Variants in ZNF280C observed in about 807,000 individuals in gnomAD.
The protein encoded by ZNF280C is zinc finger protein 280C.
In ZNF280C, 14 loss-of-function variants were observed where a neutral mutation model predicts 53.6. That is an observed-to-expected ratio of 0.26 (90% CI 0.17 to 0.41). ZNF280C has a LOEUF of 0.41. Ranked by LOEUF, ZNF280C falls within the 10% of genes least tolerant of loss-of-function variation. The pLI is 1.00. For synonymous variants in ZNF280C, 203 were observed against 181.1 expected (o/e 1.12, Z -0.97); for missense variants, 416 against 547.1 (o/e 0.76, Z 2.39).
chrX:130,247,289 C>T (rs1346260984), intron 2 of ZNF280C, among the ~76,000 whole-genome samples: 4 of 110,849 alleles, frequency 3.6e-5, no homozygotes, highest in Admixed American at 9.6e-5. Flanking sequence ...TTGTATTTTT[C>T]GTAGGGATGG....
At chrX:130,213,703 T>G (rs1297757518) in intron 15 of ZNF280C, among the ~76,000 whole-genome samples, 1 of 111,252 alleles carries the variant, frequency 9.0e-6, no homozygotes, top group Non-Finnish European at 1.9e-5. Context: ...AAATAAGTAT[T>G]GTCTACAATG....
intron 1 of ZNF280C, among the ~76,000 whole-genome samples, chrX:130,261,242 C>CA (rs957673911): frequency 4.5e-5 from 5 of 111,368 alleles, no homozygotes; most frequent in African/African-American, 9.8e-5. Flanking sequence ...TAAACGTTAT[C>CA]AAAAAAAATG....
rs1417319731 is a variant in ZNF280C at position 130,203,443 on chromosome X, T to C, written c.*1534A>G. 1.8e-5 allele frequency: 2 copies of C among 111,572 alleles called. No individual in the cohort carries two copies. Among genetic ancestry groups the C allele is most frequent in the African/African-American group, 6.5e-5 (2 of 30,653 alleles). 9.2% of individuals were successfully genotyped at this position (111,572 alleles called of 1,213,427 possible). A position where few individuals can be genotyped will look rare whatever the true frequency, so the allele number is the denominator to read the frequency against. On this transcript the variant is annotated 3_prime_UTR_variant, in exon 19 of 19. Coordinates refer to ENST00000370978, the MANE Select transcript of ZNF280C (RefSeq NM_017666.5). ...AGGACGAGGCGGACTGATCACGACG[T>C]CAGGAGATCGAGACCATCCTGGCTA...
rs146021861 is a variant in ZNF280C, at chrX:130,265,788, C to T, written c.-17+2974G>A. 2.7e-3 allele frequency among the ~76,000 whole-genome samples: 303 copies of T among 112,500 alleles called. 5 individuals carry two copies. The highest frequency in any genetic ancestry group is 0.026 in the East Asian group (92 of 3,607). ...ATTAAATAAAGCAAGTGAAATATTC[C>T]TCAACAGTACTTTGCACTATTTTTC... On this transcript the variant is annotated intron_variant, in intron 1 of 18. Coordinates refer to ENST00000370978, the MANE Select transcript of ZNF280C (RefSeq NM_017666.5).
At chrX:130,256,102 A>C (rs1290804237) in intron 2 of ZNF280C, among the ~76,000 whole-genome samples, 3 of 111,399 alleles carry the variant, frequency 2.7e-5, no homozygotes, top group Non-Finnish European at 5.7e-5. Flanking sequence ...ACTGCACTCC[A>C]ATCTAGGCAA....
Position 130,204,955 on chromosome X carries a change from A to G in ZNF280C, c.*22T>C. The G allele has an allele frequency of 9.3e-7, 1 of 1,076,590 alleles. No homozygotes were observed. The highest frequency in any genetic ancestry group is 2.9e-5 in the South Asian group (1 of 34,556). 88.7% of individuals were successfully genotyped at this position (1,076,590 alleles called of 1,213,427 possible). Reference sequence around the variant, plus strand: ...TCCAACTTGTCTTGCACCAGGTTGCATGAACTCCATGGAGCAGGAATCTAT... The same window carrying G: ...TCCAACTTGTCTTGCACCAGGTTGCGTGAACTCCATGGAGCAGGAATCTAT... On this transcript the variant is annotated 3_prime_UTR_variant, in exon 19 of 19. Coordinates refer to ENST00000370978, the MANE Select transcript of ZNF280C (RefSeq NM_017666.5).
At chrX:130,266,667 G>A (rs1436229344) in intron 1 of ZNF280C, among the ~76,000 whole-genome samples, 2 of 110,552 alleles carry the variant, frequency 1.8e-5, no homozygotes, top group Non-Finnish European at 3.8e-5. Flanking sequence ...CTCCTTAAAA[G>A]AAAACTACTT....
intron 2 of ZNF280C, 68 bp downstream of exon 2, chrX:130,260,350 CT>C: frequency 1.1e-6 from 1 of 890,642 alleles, no homozygotes; most frequent in South Asian, 3.3e-5. Context: ...TGTCTCTAAT[CT>C]TTTCTTTTGA....
intron 13 of ZNF280C, among the ~76,000 whole-genome samples, chrX:130,218,785 T>A (rs766709259): frequency 2.7e-5 from 3 of 111,902 alleles, no homozygotes; most frequent in Non-Finnish European, 5.6e-5. Context: ...CTTGTCTATA[T>A]CACTGGATCA....
intron 8 of ZNF280C, among the ~76,000 whole-genome samples, chrX:130,233,834 A>G (rs970605693): frequency 9.1e-6 from 1 of 110,290 alleles, no homozygotes; most frequent in African/African-American, 3.3e-5. Context: ...TAGGTCAATC[A>G]TACCTCAATA....
intron 1 of ZNF280C, among the ~76,000 whole-genome samples, chrX:130,268,557 C>T (rs1177144162): frequency 8.9e-6 from 1 of 112,097 alleles, no homozygotes; most frequent in Non-Finnish European, 1.9e-5. Context: ...AACCCTCCCC[C>T]TTCAGGGCCC....
intron 2 of ZNF280C, among the ~76,000 whole-genome samples, chrX:130,259,444 T>C (rs1603246559): frequency 8.9e-6 from 1 of 112,437 alleles, no homozygotes; most frequent in Admixed American, 9.4e-5. Flanking sequence ...TCCCCATTCT[T>C]TTAAACTGAG....
intron 5 of ZNF280C, among the ~76,000 whole-genome samples, chrX:130,241,498 C>A (rs185530854): frequency 8.9e-6 from 1 of 112,696 alleles, no homozygotes; most frequent in Non-Finnish European, 1.9e-5. Flanking sequence ...CAGTGGCTCA[C>A]GCCTGTAATC....
At position 130,209,637 on chromosome X, in the gene ZNF280C, A is replaced by G. The variant is rs775977550; in HGVS notation, c.2042+16T>C. 3 of 1,188,829 alleles carry G rather than the reference A, an allele frequency of 2.5e-6. No homozygotes were observed. The highest frequency in any genetic ancestry group is 3.4e-6 in the Non-Finnish European group (3 of 879,563). The stretch of plus-strand genomic sequence containing the variant: ...CAATATTTCAATTGAAAGAAAAAAA[A>G]AAGATCAATGATTACCTGAGAGTTC... On this transcript the variant is annotated intron_variant, in intron 16 of 18. Coordinates refer to ENST00000370978, the MANE Select transcript of ZNF280C (RefSeq NM_017666.5).
chrX:130,255,179 C>T (rs1338537206), intron 2 of ZNF280C, among the ~76,000 whole-genome samples: 1 of 88,292 alleles, frequency 1.1e-5, no homozygotes, highest in Non-Finnish European at 2.1e-5. Flanking sequence ...CTCGCTCTGT[C>T]ACCCAGGCTG....
chrX:130,228,969 T>C lies in ZNF280C; in HGVS notation c.1147+8A>G. 1 of 1,139,792 alleles carries C rather than the reference T, an allele frequency of 8.8e-7. No individual in the cohort carries two copies. Among genetic ancestry groups the C allele is most frequent in the Non-Finnish European group, 1.2e-6 (1 of 853,283 alleles). 93.9% of individuals were successfully genotyped at this position (1,139,792 alleles called of 1,213,427 possible). A position where few individuals can be genotyped will look rare whatever the true frequency, so the allele number is the denominator to read the frequency against. On this transcript the variant is annotated splice_region_variant and intron_variant, in intron 10 of 18. Transcript: ENST00000370978. ...AATATTCAGGATTCCAAAGAAACTT[T>C]CACTTACTAGAAAACTCATGGGGAG...
At chrX:130,220,319 A>C in intron 13 of ZNF280C, 30 bp downstream of exon 13, 1 of 1,096,255 alleles carries the variant, frequency 9.1e-7, no homozygotes, top group Non-Finnish European at 1.2e-6. Context: ...AATGTGCAAA[A>C]AACCACCAAA....
rs772916876 is a variant in ZNF280C at position 130,205,288 on chromosome X, T to C, written c.2161+9A>G. On this transcript the variant is annotated intron_variant, in intron 17 of 18. Coordinates refer to ENST00000370978, the MANE Select transcript of ZNF280C (RefSeq NM_017666.5). ...AGAAAATCAAAGAAACACAATTATA[T>C]ATACGTACCATTCTCTATTATAACT... 1 of 1,165,204 alleles carries C rather than the reference T, an allele frequency of 8.6e-7. No homozygotes were observed. The highest frequency in any genetic ancestry group is 2.3e-5 in the Admixed American group (1 of 44,269).
intron 8 of ZNF280C, among the ~76,000 whole-genome samples, chrX:130,232,359 T>G (rs2032286959): frequency 9.2e-6 from 1 of 108,153 alleles, no homozygotes; most frequent in Non-Finnish European, 1.9e-5. Context: ...TGAAACTAAT[T>G]TATTTATTGT....
Sources: allele counts gnomAD v4.1 joint callset (sites outside exome capture counted in the v4.1 genomes callset), GRCh38; gene constraint gnomAD v4.1.1; transcripts MANE v1.5; gene names NCBI Gene and HGNC (gene_info 2026-07-23, HGNC 2026-07-21).